CDH11: variants seen among roughly 807,000 people sequenced by gnomAD.
The protein encoded by CDH11 is cadherin-11.
Under a neutral mutation model 67.8 loss-of-function variants are expected in CDH11, and 11 were observed. The observed-to-expected ratio is 0.16, with a 90% CI of 0.10 to 0.27. CDH11 has a LOEUF of 0.27. CDH11 is among the 10% of genes least tolerant of loss of function. The probability of loss-of-function intolerance (pLI) is 1.00; values close to 1 mark genes in which losing one functional copy is unlikely to be tolerated. For missense variants in CDH11, 847 were observed against 1,031.2 expected (o/e 0.82, Z 2.45); for synonymous variants, 419 against 400.0 (o/e 1.05, Z -0.57).
intron 2 of CDH11, among the ~76,000 whole-genome samples, chr16:65,035,466 C>G (rs890503243): frequency 1.3e-5 from 2 of 152,130 alleles, no homozygotes; most frequent in Non-Finnish European, 2.9e-5. Flanking sequence ...CAGCAGTGCC[C>G]CTGCTAGAAA....
chr16:65,023,873 C>T (rs2073479875), intron 2 of CDH11, among the ~76,000 whole-genome samples: 1 of 152,126 alleles, frequency 6.6e-6, no homozygotes, highest in Admixed American at 6.6e-5. Context: ...TATTCCATAT[C>T]CCTTCATCAG....
rs139327249 is a variant in CDH11, at chr16:64,946,891, CA to C, written c.*711del. On this transcript the variant is annotated 3_prime_UTR_variant, in exon 13 of 13. Coordinates refer to ENST00000268603, the MANE Select transcript of CDH11 (RefSeq NM_001797.4). ...AGTGTGATGCCGTAACATTTTCTTA[CA>C]TGTCAGAATACTGATATTTATACGT... is the stretch of plus-strand genomic sequence containing the variant. 576 of 820,516 alleles carry C rather than the reference CA, an allele frequency of 7.0e-4. 3 individuals are homozygous for C. In the African/African-American group the frequency reaches 9.8e-3, roughly 14 times the overall value. 50.8% of individuals were successfully genotyped at this position (820,516 alleles called of 1,614,324 possible).
At chr16:65,037,573 C>A (rs1355002685) in intron 2 of CDH11, among the ~76,000 whole-genome samples, 1 of 152,010 alleles carries the variant, frequency 6.6e-6, no homozygotes, top group African/African-American at 2.4e-5. Flanking sequence ...CTGGTGTAGA[C>A]ACTGATTATT....
chr16:64,984,264 A>G (rs2072428245), intron 7 of CDH11, among the ~76,000 whole-genome samples: 1 of 152,184 alleles, frequency 6.6e-6, no homozygotes, highest in Admixed American at 6.5e-5. Flanking sequence ...AGCATCCCTT[A>G]GAAGTCTACT....
Position 64,945,801 on chromosome 16 carries a change from A to G in CDH11, c.*1802T>C, listed in dbSNP as rs1567477541. On this transcript the variant is annotated 3_prime_UTR_variant, in exon 13 of 13. Coordinates refer to ENST00000268603, the MANE Select transcript of CDH11 (RefSeq NM_001797.4). ...CTAAATCATAAAAATAGTACATAAC[A>G]TGATATCAAGAAATGCTTGAAACAA... 8 of 1,046,924 alleles carry G rather than the reference A, an allele frequency of 7.6e-6. No homozygotes were observed. Among genetic ancestry groups the G allele is most frequent in the Middle Eastern group, 8.6e-4 (2 of 2,316 alleles). 64.9% of individuals were successfully genotyped at this position (1,046,924 alleles called of 1,614,324 possible). A position where few individuals can be genotyped will look rare whatever the true frequency, so the allele number is the denominator to read the frequency against.
At chr16:65,087,562 C>T (rs1489465189) in intron 1 of CDH11, among the ~76,000 whole-genome samples, 1 of 152,088 alleles carries the variant, frequency 6.6e-6, no homozygotes, top group Non-Finnish European at 1.5e-5. Context: ...AAAAACCCTA[C>T]TGTTGGATAA....
intron 12 of CDH11, 132 bp downstream of exon 12, chr16:64,950,635 C>CCTTT: frequency 9.1e-7 from 1 of 1,097,948 alleles, no homozygotes; most frequent in Non-Finnish European, 1.3e-6. Flanking sequence ...CCGTACCCCA[C>CCTTT]TTCTTTTCTT....
chr16:65,082,241 G>A (rs2074623116), intron 1 of CDH11, among the ~76,000 whole-genome samples: 1 of 152,168 alleles, frequency 6.6e-6, no homozygotes, highest in Non-Finnish European at 1.5e-5. Context: ...GTCTGCCCAG[G>A]TGTCAAATAG....
At chr16:64,951,432 G>T (rs1204981305) in intron 11 of CDH11, among the ~76,000 whole-genome samples, 1 of 151,954 alleles carries the variant, frequency 6.6e-6, no homozygotes, top group African/African-American at 2.4e-5. Context: ...CATAGTGGAC[G>T]ATCAGATATT....
intron 11 of CDH11, among the ~76,000 whole-genome samples, chr16:64,968,803 C>T (rs901558060): frequency 1.3e-5 from 2 of 151,942 alleles, no homozygotes; most frequent in Admixed American, 6.5e-5. Flanking sequence ...CAGTCTCAGC[C>T]GAGAAATTTG....
chr16:65,118,620 C>A (rs1009814778), intron 1 of CDH11, among the ~76,000 whole-genome samples: 1 of 152,096 alleles, frequency 6.6e-6, no homozygotes, highest in African/African-American at 2.4e-5. Context: ...GGGAGAAAAT[C>A]ATCCCAAACA....
intron 1 of CDH11, among the ~76,000 whole-genome samples, chr16:65,058,999 A>G (rs2142734062): frequency 6.6e-6 from 1 of 152,344 alleles, no homozygotes; most frequent in East Asian, 1.9e-4. Context: ...CCTTTAATAG[A>G]TGTGTATTTA....
chr16:65,031,858 A>T (rs1300915655), intron 2 of CDH11, among the ~76,000 whole-genome samples: 1 of 152,170 alleles, frequency 6.6e-6, no homozygotes, highest in Non-Finnish European at 1.5e-5. Context: ...CCATGAAAAA[A>T]TAGCCAAAAG....
At chr16:64,966,448 G>GA (rs11378848) in intron 11 of CDH11, among the ~76,000 whole-genome samples, 108,689 of 151,530 alleles carry the variant, frequency 0.72, 41,327 homozygotes, top group East Asian at 1. Context: ...ATAATGCGGA[G>GA]AAAGCATCTG....
At chr16:65,070,888 G>A (rs568747982) in intron 1 of CDH11, among the ~76,000 whole-genome samples, 5 of 152,280 alleles carry the variant, frequency 3.3e-5, no homozygotes, top group African/African-American at 1.2e-4. Flanking sequence ...AAATGGTGAT[G>A]ACAAGGTCAC....
chr16:64,991,841 G>C lies in CDH11; in HGVS notation c.738C>G (p.Gly246=). 1.9e-6 allele frequency: 3 copies of C among 1,613,666 alleles called. No individual in the cohort carries two copies. The highest frequency in any genetic ancestry group is 2.5e-6 in the Non-Finnish European group (3 of 1,179,686). ...TCACTTTGGTTGTCCCTGAGAGTCCGCCCATATGTCCACCCATGTCCTTGG... is the reference window on the plus strand; with the variant it reads ...TCACTTTGGTTGTCCCTGAGAGTCCCCCCATATGTCCACCCATGTCCTTGG... ...IQAKDMGGHM[G]GLSGTTKVTI... The change falls in exon 6 of 13, where the codon GGC becomes GGG. Residue 246 remains glycine, a synonymous_variant. Transcript: ENST00000268603.
chr16:64,980,073 C>T (rs906967565), intron 8 of CDH11, among the ~76,000 whole-genome samples: 7 of 151,922 alleles, frequency 4.6e-5, no homozygotes, highest in East Asian at 1.9e-4. Context: ...GCAGGAGAAA[C>T]GGGGAGTGAC....
At chr16:64,948,229 A>G (rs1018473637) in intron 12 of CDH11, 130 bp from the exon 13 acceptor site, 127 of 1,218,598 alleles carry the variant, frequency 1.0e-4, no homozygotes, top group Non-Finnish European at 1.3e-4. Flanking sequence ...ATAGGAAATG[A>G]GAGCTTTGCC....
intron 2 of CDH11, among the ~76,000 whole-genome samples, chr16:65,048,423 T>A (rs2073999332): frequency 6.6e-6 from 1 of 152,170 alleles, no homozygotes; most frequent in African/African-American, 2.4e-5. Flanking sequence ...AATCATTATA[T>A]CAAAACGGAA....
Sources: allele counts gnomAD v4.1 joint callset (sites outside exome capture counted in the v4.1 genomes callset), GRCh38; gene constraint gnomAD v4.1.1; transcripts MANE v1.5; gene names NCBI Gene and HGNC (gene_info 2026-07-23, HGNC 2026-07-21).